The following RIMKLA variants were observed in gnomAD, a reference collection of about 807,000 sequenced individuals.
RIMKLA encodes N-acetylaspartylglutamate synthase A.
In RIMKLA, 14 loss-of-function variants were observed where a neutral mutation model predicts 32.7. That is an observed-to-expected ratio of 0.43 (90% CI 0.28 to 0.67). The LOEUF (loss-of-function observed/expected upper bound fraction) is 0.67. Ranked by LOEUF, RIMKLA falls within the 30% of genes least tolerant of loss-of-function variation. The pLI, the probability that RIMKLA is intolerant of heterozygous loss-of-function variation, is 0.18. For missense variants in RIMKLA, 410 were observed against 519.0 expected (o/e 0.79, Z 2.04); for synonymous variants, 176 against 204.1 (o/e 0.86, Z 1.18).
intron 4 of RIMKLA, 79 bp downstream of exon 4, chr1:42,410,266 C>A: frequency 3.4e-6 from 4 of 1,181,150 alleles, no homozygotes; most frequent in South Asian, 2.7e-5. Flanking sequence ...ACTGTCTTGT[C>A]AGACCCTCTG....
At chr1:42,396,714 G>T (rs1643051385) in intron 1 of RIMKLA, among the ~76,000 whole-genome samples, 1 of 152,132 alleles carries the variant, frequency 6.6e-6, no homozygotes, top group South Asian at 2.1e-4. Flanking sequence ...TGTTTTTCTT[G>T]TGAGGTGGTA....
chr1:42,399,055 A>C (rs184293853), intron 1 of RIMKLA, among the ~76,000 whole-genome samples: 29 of 150,854 alleles, frequency 1.9e-4, no homozygotes, highest in Admixed American at 6.6e-4. Flanking sequence ...GGGCAAAACT[A>C]TTTCCTTTTC....
intron 1 of RIMKLA, among the ~76,000 whole-genome samples, chr1:42,392,328 A>G (rs565753884): frequency 6.6e-6 from 1 of 151,918 alleles, no homozygotes; most frequent in South Asian, 2.1e-4. Flanking sequence ...CCCCTGCTCA[A>G]CAAGACCCAG....
At chr1:42,404,814 C>T (rs935799349) in intron 3 of RIMKLA, among the ~76,000 whole-genome samples, 2 of 152,208 alleles carry the variant, frequency 1.3e-5, no homozygotes, top group African/African-American at 4.8e-5. Context: ...TAATGCTGAT[C>T]AGTTTCCCTA....
Position 42,423,737 on chromosome 1 carries a change from C to T in RIMKLA, c.*8763C>T, listed in dbSNP as rs1046754932. The stretch of plus-strand genomic sequence containing the variant: ...TGTCCCTCTAGGACTCTCCCAGCTT[C>T]ATGCTGCTGGCACCCACTTGTCTAT... On this transcript the variant is annotated 3_prime_UTR_variant, in exon 5 of 5. Transcript: ENST00000431473. 1.3e-5 allele frequency among the ~76,000 whole-genome samples: 2 copies of T among 152,220 alleles called. No homozygotes were observed. Among genetic ancestry groups the T allele is most frequent in the Non-Finnish European group, 1.5e-5 (1 of 68,028 alleles).
At chr1:42,382,344 C>T (rs1440008135) in intron 1 of RIMKLA, among the ~76,000 whole-genome samples, 1 of 152,214 alleles carries the variant, frequency 6.6e-6, no homozygotes, top group Non-Finnish European at 1.5e-5. Context: ...GATTTCTGAA[C>T]AGGGAATCTG....
intron 4 of RIMKLA, among the ~76,000 whole-genome samples, chr1:42,411,738 A>G (rs942919142): frequency 5.3e-5 from 8 of 151,540 alleles, no homozygotes; most frequent in Middle Eastern, 3.4e-3. Context: ...CAGTGGCACA[A>G]TCTCCGCTCA....
At position 42,405,471 on chromosome 1, in the gene RIMKLA, T is replaced by C. The variant is rs1643135712; in HGVS notation, c.481+874T>C. Among the ~76,000 whole-genome samples the C allele has an allele frequency of 1.3e-5, 2 of 152,142 alleles. 1 individual carries two copies. Among genetic ancestry groups the C allele is most frequent in the South Asian group, 4.1e-4 (2 of 4,828 alleles). On this transcript the variant is annotated intron_variant, in intron 3 of 4. Coordinates refer to ENST00000431473, the MANE Select transcript of RIMKLA (RefSeq NM_173642.4). ...AACAGAAAGGAGTCTTCCTGCAGTA[T>C]ATGAGCAGGTGCCTCATCGGGATAC... is the stretch of plus-strand genomic sequence containing the variant.
Position 42,417,954 on chromosome 1 carries a change from C to G in RIMKLA, c.*2980C>G, listed in dbSNP as rs1004234058. 1 of 142,526 alleles carries G rather than the reference C, an allele frequency of 7.0e-6. No individual in the cohort carries two copies. The highest frequency in any genetic ancestry group is 1.5e-5 in the Non-Finnish European group (1 of 65,124). 8.8% of individuals were successfully genotyped at this position (142,526 alleles called of 1,614,324 possible). ...CCGTCTCAAAAAAAAAAAAAAAAAG[C>G]CACACATTCTTGGCATTAGCACACC... On this transcript the variant is annotated 3_prime_UTR_variant, in exon 5 of 5. Coordinates refer to ENST00000431473, the MANE Select transcript of RIMKLA (RefSeq NM_173642.4).
Position 42,400,424 on chromosome 1 carries a change from G to C in RIMKLA, c.394+790G>C, listed in dbSNP as rs139077791. 4.6e-3 allele frequency among the ~76,000 whole-genome samples: 693 copies of C among 152,292 alleles called. 5 individuals carry two copies. The highest frequency in any genetic ancestry group is 0.013 in the African/African-American group (538 of 41,556). On this transcript the variant is annotated intron_variant, in intron 2 of 4. Transcript: ENST00000431473. ...GGGCAAAGTAGAGACAGGACAAGTA[G>C]TGGTAGGTTTTTAAAATAATCCAAG... is the stretch of plus-strand genomic sequence containing the variant.
chr1:42,414,608 G>A lies in RIMKLA; in HGVS notation c.810G>A (p.Val270=). The part of the protein sequence containing the change: ...DLLIMDDGSF[V]VCEANANVGF... ...TTATCATGGACGATGGCTCCTTTGT[G>A]GTGTGTGAGGCAAATGCTAATGTTG... The change falls in exon 5 of 5, where the codon GTG becomes GTA. Residue 270 remains valine (V), a synonymous_variant. Transcript: ENST00000431473. 6.2e-7 allele frequency: 1 copy of A among 1,614,218 alleles called. No individual in the cohort carries two copies. The highest frequency in any genetic ancestry group is 8.5e-7 in the Non-Finnish European group (1 of 1,180,040).
At chr1:42,388,582 C>T (rs1642971028) in intron 1 of RIMKLA, among the ~76,000 whole-genome samples, 2 of 147,650 alleles carry the variant, frequency 1.4e-5, no homozygotes, top group Non-Finnish European at 3.0e-5. Flanking sequence ...TGCAGTGGCA[C>T]GATCTCAGCT....
At chr1:42,385,736 TTTC>T (rs1642931039) in intron 1 of RIMKLA, among the ~76,000 whole-genome samples, 1 of 92,990 alleles carries the variant, frequency 1.1e-5, no homozygotes, top group Non-Finnish European at 2.2e-5. Context: ...TCTTTCTTTC[TTTC>T]TTTCTTTCTT....
intron 4 of RIMKLA, among the ~76,000 whole-genome samples, chr1:42,411,377 T>C (rs1269834129): frequency 6.6e-6 from 1 of 151,970 alleles, no homozygotes; most frequent in Non-Finnish European, 1.5e-5. Flanking sequence ...ATAATTGTGA[T>C]AAAGTGATGT....
At chr1:42,389,349 G>C (rs1642976957) in intron 1 of RIMKLA, among the ~76,000 whole-genome samples, 1 of 152,194 alleles carries the variant, frequency 6.6e-6, no homozygotes, top group South Asian at 2.1e-4. Flanking sequence ...ACTATAGATA[G>C]AGAAGGGTTC....
intron 1 of RIMKLA, among the ~76,000 whole-genome samples, chr1:42,395,575 T>TA (rs772039589): frequency 2.3e-3 from 347 of 152,248 alleles, no homozygotes; most frequent in Non-Finnish European, 3.7e-3. Flanking sequence ...TTCTGTTGAC[T>TA]AGCAACCAAG....
intron 1 of RIMKLA, among the ~76,000 whole-genome samples, chr1:42,394,174 T>C (rs1013777411): frequency 6.6e-6 from 1 of 152,382 alleles, no homozygotes; most frequent in Admixed American, 6.5e-5. Context: ...TCAAATATAA[T>C]GGTTCTAAAA....
Position 42,381,104 on chromosome 1 carries a change from G to A in RIMKLA, c.163+7G>A, listed in dbSNP as rs778709640. ...ATCGTCGGCGGCCACCTCGGTGAGC[G>A]AGGCGGGCCCGGGGAGGGCAGGGAG... On this transcript the variant is annotated splice_region_variant and intron_variant, in intron 1 of 4. Transcript: ENST00000431473. 2.8e-5 allele frequency: 35 copies of A among 1,247,158 alleles called. No homozygotes were observed. Among genetic ancestry groups the A allele is most frequent in the Non-Finnish European group, 3.2e-5 (32 of 993,056 alleles). 77.3% of individuals were successfully genotyped at this position (1,247,158 alleles called of 1,614,324 possible).
intron 4 of RIMKLA, among the ~76,000 whole-genome samples, chr1:42,413,739 T>G (rs552496024): frequency 6.6e-6 from 1 of 151,382 alleles, no homozygotes; most frequent in South Asian, 2.1e-4. Context: ...GTGGGCATTA[T>G]TATTTGTTTT....
Sources: allele counts gnomAD v4.1 joint callset (sites outside exome capture counted in the v4.1 genomes callset), GRCh38; gene constraint gnomAD v4.1.1; transcripts MANE v1.5; gene names NCBI Gene and HGNC (gene_info 2026-07-23, HGNC 2026-07-21).